PALS1: variants seen among roughly 807,000 people sequenced by gnomAD.
The protein encoded by PALS1 is protein associated with LIN7 1, MAGUK p55 family member.
Under a neutral mutation model 78.9 loss-of-function variants are expected in PALS1, and 31 were observed. The observed-to-expected ratio is 0.39, with a 90% CI of 0.30 to 0.53. The LOEUF is 0.53. Among genes scored for constraint, PALS1 ranks in the 20% least tolerant of loss-of-function variants. The probability of loss-of-function intolerance (pLI) is 0.67; values close to 1 mark genes in which losing one functional copy is unlikely to be tolerated. For synonymous variants in PALS1, 276 were observed against 270.9 expected (o/e 1.02, Z -0.18); for missense variants, 704 against 826.5 (o/e 0.85, Z 1.82).
intron 1 of PALS1, among the ~76,000 whole-genome samples, chr14:67,263,889 ATTCT>A (rs1400294793): frequency 6.6e-6 from 1 of 152,070 alleles, no homozygotes; most frequent in Non-Finnish European, 1.5e-5. Context: ...AGGGGTAGTA[ATTCT>A]TTCTATTTTT....
intron 9 of PALS1, among the ~76,000 whole-genome samples, chr14:67,316,434 C>T (rs1033825430): frequency 2.0e-5 from 3 of 152,072 alleles, no homozygotes; most frequent in Admixed American, 6.5e-5. Flanking sequence ...GTGATGAATG[C>T]GCACATGTTG....
rs1435107295 is a variant in PALS1, at chr14:67,334,544, A to ATAAT, written c.*1590_*1593dup. ...ATTTGATTGATTTTTTTTCTTCTAC[A>ATAAT]TAATTTTATTTGAACAAATGTAGAC... On this transcript the variant is annotated 3_prime_UTR_variant, in exon 15 of 15. Transcript: ENST00000261681. The ATAAT allele has an allele frequency of 6.6e-6, 1 of 152,622 alleles. No homozygotes were observed. The highest frequency in any genetic ancestry group is 6.5e-5 in the Admixed American group (1 of 15,270). The allele number at this position is 152,622 out of a possible 1,614,324, so 9.5% of individuals were successfully genotyped here.
Position 67,320,407 on chromosome 14 carries a change from A to C in PALS1, c.1537+10A>C. ...GCATCTGCAGTTCCTCGTAAGTTTG[A>C]ATGCATTCCCATTTTCCTGTGCTTT... On this transcript the variant is annotated intron_variant, in intron 12 of 14. Transcript: ENST00000261681. The C allele has an allele frequency of 6.3e-7, 1 of 1,582,958 alleles. No individual in the cohort carries two copies. The highest frequency in any genetic ancestry group is 8.6e-7 in the Non-Finnish European group (1 of 1,165,558).
At chr14:67,256,925 C>T (rs577919831) in intron 1 of PALS1, among the ~76,000 whole-genome samples, 1 of 152,220 alleles carries the variant, frequency 6.6e-6, no homozygotes, top group South Asian at 2.1e-4. Context: ...AAATATCTGA[C>T]AGGTCTCATT....
At chr14:67,316,701 TG>T (rs1398197955) in intron 9 of PALS1, 130 bp from the exon 10 acceptor site, 6 of 628,012 alleles carry the variant, frequency 9.6e-6, no homozygotes, top group Non-Finnish European at 1.6e-5. Context: ...ATTACTCCTG[TG>T]TTGGCAAAAG....
At chr14:67,297,736 AGACATCAAGGAT>A (rs2084878343) in intron 4 of PALS1, among the ~76,000 whole-genome samples, 1 of 152,206 alleles carries the variant, frequency 6.6e-6, no homozygotes, top group Non-Finnish European at 1.5e-5. Flanking sequence ...AAGGTAAAGG[AGACATCAAGGAT>A]GACTTCCTAT....
At chr14:67,311,666 T>G (rs1172837363) in intron 8 of PALS1, among the ~76,000 whole-genome samples, 1 of 152,202 alleles carries the variant, frequency 6.6e-6, no homozygotes, top group Admixed American at 6.5e-5. Context: ...AGAAATGGCA[T>G]ACAGAATAGC....
At chr14:67,284,594 T>TGCAA (rs2084656339) in intron 3 of PALS1, among the ~76,000 whole-genome samples, 1 of 112,004 alleles carries the variant, frequency 8.9e-6, no homozygotes, top group African/African-American at 3.4e-5. Context: ...AAAAAGGTTG[T>TGCAA]GCAATCATCA....
chr14:67,330,374 C>A (rs1443424172), intron 14 of PALS1, among the ~76,000 whole-genome samples: 1 of 151,354 alleles, frequency 6.6e-6, no homozygotes, highest in East Asian at 1.9e-4. Context: ...TCCCTCGAAA[C>A]AGTTCTTTAG....
intron 3 of PALS1, among the ~76,000 whole-genome samples, chr14:67,291,434 G>A (rs543386682): frequency 4.6e-5 from 7 of 151,952 alleles, no homozygotes; most frequent in East Asian, 1.9e-4. Flanking sequence ...ACAGGTGCCC[G>A]CCACTGTTCC....
intron 12 of PALS1, among the ~76,000 whole-genome samples, 161 bp downstream of exon 12, chr14:67,320,558 A>G (rs2085248158): frequency 6.6e-6 from 1 of 152,234 alleles, no homozygotes; most frequent in Non-Finnish European, 1.5e-5. Flanking sequence ...AATTAAAAAT[A>G]GTCATTATTA....
At position 67,302,710 on chromosome 14, in the gene PALS1, C is replaced by T. The variant is rs1595599692; in HGVS notation, c.963+139C>T. 21 of 626,066 alleles carry T rather than the reference C, an allele frequency of 3.4e-5. No homozygotes were observed. In the East Asian group the frequency reaches 7.3e-4, roughly 22 times the overall value. 38.8% of individuals were successfully genotyped at this position (626,066 alleles called of 1,614,324 possible). A position where few individuals can be genotyped will look rare whatever the true frequency, so the allele number is the denominator to read the frequency against. ...ATTTTTCCATGATGTAACTGTTCCACAGTATTTGTTAGCAGTTTTATTTTT... is the reference window on the plus strand; with the variant it reads ...ATTTTTCCATGATGTAACTGTTCCATAGTATTTGTTAGCAGTTTTATTTTT... On this transcript the variant is annotated intron_variant, in intron 7 of 14. Transcript: ENST00000261681.
chr14:67,279,634 G>A, intron 3 of PALS1, 97 bp downstream of exon 3: 1 of 1,211,426 alleles, frequency 8.3e-7, no homozygotes, highest in East Asian at 2.5e-5. Flanking sequence ...GAGAATGTAA[G>A]TAATGACAGT....
chr14:67,303,680 T>C (rs2084960711), intron 8 of PALS1, 81 bp downstream of exon 8: 1 of 971,802 alleles, frequency 1.0e-6, no homozygotes, highest in African/African-American at 1.6e-5. Context: ...TACAGAAATG[T>C]CACTGTTTCC....
At chr14:67,266,146 G>T (rs2084318834) in intron 1 of PALS1, among the ~76,000 whole-genome samples, 1 of 151,818 alleles carries the variant, frequency 6.6e-6, no homozygotes, top group African/African-American at 2.4e-5. Flanking sequence ...AGTTAAACGA[G>T]TTCAGTTTAC....
At chr14:67,269,962 A>T (rs45561936) in intron 2 of PALS1, 179 bp downstream of exon 2, 4,632 of 152,316 alleles carry the variant, frequency 0.03, 86 homozygotes, top group Non-Finnish European at 0.036. Context: ...GGATGAATTT[A>T]AAAAATTCTA....
At chr14:67,288,182 C>A (rs577363771) in intron 3 of PALS1, among the ~76,000 whole-genome samples, 1 of 152,114 alleles carries the variant, frequency 6.6e-6, no homozygotes, top group African/African-American at 2.4e-5. Flanking sequence ...GAGGTTCAAG[C>A]GATTCTCCTG....
rs145567949 is a variant in PALS1 at position 67,325,557 on chromosome 14, CAA to C, written c.1851+1746_1851+1747del. On this transcript the variant is annotated intron_variant, in intron 14 of 14. Coordinates refer to ENST00000261681, the MANE Select transcript of PALS1 (RefSeq NM_022474.4). ...GTTCTTGAGGAGGATCACAATATAA[CAA>C]GAGAAACGAGATTAATACTGTGTAA... Among the ~76,000 whole-genome samples, 585 of 152,194 alleles carry C rather than the reference CAA, an allele frequency of 3.8e-3. 4 individuals carry two copies. Among genetic ancestry groups the C allele is most frequent in the African/African-American group, 0.013 (554 of 41,522 alleles).
chr14:67,297,934 T>C (rs1841022177), intron 4 of PALS1, among the ~76,000 whole-genome samples: 1 of 152,196 alleles, frequency 6.6e-6, no homozygotes, highest in Non-Finnish European at 1.5e-5. Flanking sequence ...TGAGTACATA[T>C]TATCTAGGCA....
Sources: gnomAD v4.1 joint callset for allele counts (sites outside exome capture counted in the v4.1 genomes callset) on GRCh38, gnomAD v4.1.1 for gene constraint, MANE v1.5 for transcripts, NCBI Gene and HGNC (gene_info 2026-07-23, HGNC 2026-07-21) for gene names.